Variants in CNTN5 observed in about 807,000 individuals in gnomAD.
The protein encoded by CNTN5 is contactin 5, also known as contactin-5.
In CNTN5, 77 loss-of-function variants were observed where a neutral mutation model predicts 129.1. The observed-to-expected ratio is 0.60, with a 90% CI of 0.50 to 0.72. The LOEUF (loss-of-function observed/expected upper bound fraction) is 0.72, where lower values mean the gene tolerates loss of function less well. CNTN5 is among the 30% of genes least tolerant of loss of function. The pLI is 0.00. For missense variants in CNTN5, 1,478 were observed against 1,328.8 expected (o/e 1.11, Z -1.75); for synonymous variants, 509 against 465.6 (o/e 1.09, Z -1.20).
chr11:99,804,485 A>T (rs1946208699), intron 3 of CNTN5, among the ~76,000 whole-genome samples: 1 of 151,842 alleles, frequency 6.6e-6, no homozygotes, highest in African/African-American at 2.4e-5. Context: ...CAATTCTATT[A>T]GTTCACCTAA....
rs753327544 is a variant in CNTN5 at position 100,271,046 on chromosome 11, T to C, written c.2165-46T>C. 2.0e-6 allele frequency: 3 copies of C among 1,477,740 alleles called. No homozygotes were observed. The African/African-American group carries it at 4.2e-5, about 21-fold the overall frequency. 91.5% of individuals were successfully genotyped at this position (1,477,740 alleles called of 1,614,324 possible). On this transcript the variant is annotated intron_variant, in intron 17 of 24. Transcript: ENST00000524871. ...ATATTCTTGATTGCCATTTGTAGCA[T>C]TTTTCTAGTCCTCATAATGACATGA...
At chr11:100,249,811 A>G (rs1949926826) in intron 16 of CNTN5, among the ~76,000 whole-genome samples, 1 of 152,208 alleles carries the variant, frequency 6.6e-6, no homozygotes, top group African/African-American at 2.4e-5. Context: ...GATACTGACT[A>G]TATCAATAGG....
chr11:99,763,508 CAGA>C (rs1218659474), intron 3 of CNTN5, among the ~76,000 whole-genome samples: 2 of 152,002 alleles, frequency 1.3e-5, no homozygotes, highest in Admixed American at 1.3e-4. Context: ...GAATATAACT[CAGA>C]AGAAGTTTAA....
chr11:100,186,471 A>G (rs1334400345), intron 13 of CNTN5, among the ~76,000 whole-genome samples: 1 of 152,136 alleles, frequency 6.6e-6, no homozygotes, highest in Non-Finnish European at 1.5e-5. Flanking sequence ...AAATTCCTAC[A>G]AGATAGGGGT....
intron 3 of CNTN5, among the ~76,000 whole-genome samples, chr11:99,790,504 A>G (rs551113842): frequency 6.6e-6 from 1 of 152,156 alleles, no homozygotes; most frequent in East Asian, 1.9e-4. Context: ...ACATAGTAAC[A>G]TACTTTTTTA....
At chr11:100,268,622 A>G (rs1259971159) in intron 17 of CNTN5, among the ~76,000 whole-genome samples, 2 of 152,218 alleles carry the variant, frequency 1.3e-5, no homozygotes, top group African/African-American at 2.4e-5. Flanking sequence ...CCTTGACAAT[A>G]GCAGTTTTTA....
intron 7 of CNTN5, among the ~76,000 whole-genome samples, chr11:99,933,856 G>A (rs1716799604): frequency 6.6e-6 from 1 of 152,154 alleles, no homozygotes; most frequent in Admixed American, 6.5e-5. Context: ...TATGAATAAA[G>A]CTGCTATGGG....
Position 99,280,527 on chromosome 11 carries a change from A to T in CNTN5, c.-209-44819A>T, listed in dbSNP as rs957997657. On this transcript the variant is annotated intron_variant, in intron 1 of 24. Coordinates refer to ENST00000524871, the MANE Select transcript of CNTN5 (RefSeq NM_014361.4). ...AAAAATTCAATTGCCAGCAAGAAAA[A>T]CAATATGGAAACATATCTGTTTACC... Among the ~76,000 whole-genome samples, 5 of 151,798 alleles carry T rather than the reference A, an allele frequency of 3.3e-5. No homozygotes were observed. In the Admixed American group the frequency reaches 3.3e-4, roughly 10 times the overall value.
At chr11:100,134,392 C>T (rs1420247688) in intron 13 of CNTN5, among the ~76,000 whole-genome samples, 1 of 152,068 alleles carries the variant, frequency 6.6e-6, no homozygotes, top group Non-Finnish European at 1.5e-5. Context: ...TGGGCAAATT[C>T]ACTTTTCTAA....
chr11:99,838,673 T>G (rs1947380535), intron 4 of CNTN5, among the ~76,000 whole-genome samples: 1 of 152,204 alleles, frequency 6.6e-6, no homozygotes, highest in South Asian at 2.1e-4. Context: ...TTCACCTATG[T>G]GATTGTTGTT....
At chr11:99,956,516 A>G (rs1401477735) in intron 7 of CNTN5, among the ~76,000 whole-genome samples, 1 of 151,474 alleles carries the variant, frequency 6.6e-6, no homozygotes, top group East Asian at 1.9e-4. Flanking sequence ...TTACCTTTCT[A>G]TTTTCAGTGT....
At chr11:100,034,814 C>A (rs1941896141) in intron 9 of CNTN5, among the ~76,000 whole-genome samples, 1 of 152,158 alleles carries the variant, frequency 6.6e-6, no homozygotes, top group Non-Finnish European at 1.5e-5. Flanking sequence ...CATCATTCAC[C>A]TGCTTAAAAC....
intron 21 of CNTN5, among the ~76,000 whole-genome samples, chr11:100,313,106 T>G (rs1261918753): frequency 6.6e-6 from 1 of 152,024 alleles, no homozygotes; most frequent in African/African-American, 2.4e-5. Context: ...AAAGTTTGTC[T>G]TTTATTTGAA....
At chr11:99,465,260 A>T (rs767170528) in intron 2 of CNTN5, among the ~76,000 whole-genome samples, 3 of 152,118 alleles carry the variant, frequency 2.0e-5, no homozygotes, top group Non-Finnish European at 4.4e-5. Context: ...TTAGCCCCCC[A>T]CAGCTTCCTT....
At chr11:99,264,235 T>G (rs1400324381) in intron 1 of CNTN5, among the ~76,000 whole-genome samples, 1 of 151,350 alleles carries the variant, frequency 6.6e-6, no homozygotes, top group Non-Finnish European at 1.5e-5. Flanking sequence ...TTAATAATAT[T>G]ATTTAATTAT....
chr11:99,534,161 A>T (rs967118548), intron 2 of CNTN5, among the ~76,000 whole-genome samples: 3 of 152,228 alleles, frequency 2.0e-5, no homozygotes, highest in Non-Finnish European at 4.4e-5. Flanking sequence ...ATTAAATGAG[A>T]TGTTGCAATA....
At chr11:100,134,168 C>T (rs1946458052) in intron 13 of CNTN5, among the ~76,000 whole-genome samples, 1 of 152,110 alleles carries the variant, frequency 6.6e-6, no homozygotes, top group South Asian at 2.1e-4. Flanking sequence ...ATAGCTGCTT[C>T]TAATAATTCA....
intron 15 of CNTN5, among the ~76,000 whole-genome samples, chr11:100,208,943 T>C (rs1948968478): frequency 6.6e-6 from 1 of 152,176 alleles, no homozygotes; most frequent in Non-Finnish European, 1.5e-5. Context: ...GGCTTGTCTC[T>C]ACTCTAAGTG....
intron 3 of CNTN5, among the ~76,000 whole-genome samples, chr11:99,778,338 CATCA>C (rs1945196874): frequency 6.6e-6 from 1 of 151,636 alleles, no homozygotes; most frequent in Non-Finnish European, 1.5e-5. Context: ...AGGTCTATGA[CATCA>C]CCTTACTCTA....
Sources: gnomAD v4.1 joint callset for allele counts (sites outside exome capture counted in the v4.1 genomes callset) on GRCh38, gnomAD v4.1.1 for gene constraint, MANE v1.5 for transcripts, NCBI Gene and HGNC (gene_info 2026-07-23, HGNC 2026-07-21) for gene names.